Variants in GOLM1 observed in about 807,000 individuals in gnomAD.
The protein encoded by GOLM1 is epididymis luminal protein 46.
GOLM1 carries 31 observed loss-of-function variants against 50.5 expected under a neutral mutation model. The observed-to-expected ratio is 0.61, with a 90% confidence interval of 0.46 to 0.83. The LOEUF (loss-of-function observed/expected upper bound fraction) is 0.83, where lower values mean the gene tolerates loss of function less well. Among genes scored for constraint, GOLM1 ranks in the 40% least tolerant of loss-of-function variants. The probability of loss-of-function intolerance (pLI) is 0.00; values close to 1 mark genes in which losing one functional copy is unlikely to be tolerated. For missense variants in GOLM1, 491 were observed against 501.3 expected, an observed-to-expected ratio of 0.98 and a Z score of 0.20; for synonymous variants, 178 against 192.8, an observed-to-expected ratio of 0.92 and a Z score of 0.64.
At chr9:86,096,819 G>A (rs971174133) in intron 1 of GOLM1, among the ~76,000 whole-genome samples, 1 of 152,056 alleles carries the variant, frequency 6.6e-6, no homozygotes, top group Non-Finnish European at 1.5e-5. Context: ...TTATAAATAA[G>A]CAACAAATGC....
Position 86,033,285 on chromosome 9 carries a change from C to T in GOLM1, c.1126G>A (p.Asp376Asn). The part of the protein sequence containing the change: ...AALAGNDRNI[D>N]VFNVEDQKRD... ...CCGATGTAGGCCCCATTCTTACCAT[C>T]TATGTTTCTGTCATTCCCTGCCAGG... Residue 376 changes from aspartate (D) to asparagine (N), a missense_variant, in exon 9 of 10, where the codon GAT becomes AAT. Transcript: ENST00000388712. The T allele has an allele frequency of 1.3e-6, 2 of 1,566,120 alleles. No individual in the cohort carries two copies. Among genetic ancestry groups the T allele is most frequent in the Non-Finnish European group, 1.8e-6 (2 of 1,135,948 alleles).
chr9:86,053,559 A>ACCAAAC, intron 3 of GOLM1, among the ~76,000 whole-genome samples: 1 of 304 alleles, frequency 3.3e-3, no homozygotes, highest in African/African-American at 7.7e-3. Context: ...CACACACTAC[A>ACCAAAC]CACACACACA....
intron 1 of GOLM1, 91 bp from the exon 2 acceptor site, chr9:86,079,432 G>A: frequency 9.2e-7 from 1 of 1,082,464 alleles, no homozygotes; most frequent in South Asian, 1.8e-5. Context: ...GAGGAAAGGA[G>A]TCTTGCCAAG....
intron 1 of GOLM1, among the ~76,000 whole-genome samples, chr9:86,092,876 G>C (rs766108071): frequency 6.6e-6 from 1 of 152,200 alleles, no homozygotes; most frequent in African/African-American, 2.4e-5. Context: ...TTTGGATTGC[G>C]GATGAGATGG....
intron 3 of GOLM1, among the ~76,000 whole-genome samples, chr9:86,063,118 C>T (rs1406398004): frequency 6.6e-6 from 1 of 152,258 alleles, no homozygotes; most frequent in African/African-American, 2.4e-5. Context: ...GAGCACCCCA[C>T]ACACTGCCAA....
At chr9:86,079,105 T>A in intron 2 of GOLM1, 87 bp downstream of exon 2, 2 of 1,248,166 alleles carry the variant, frequency 1.6e-6, no homozygotes, top group African/African-American at 1.5e-5. Flanking sequence ...TGGCTGGCAA[T>A]AAACAACAAA....
intron 9 of GOLM1, 63 bp from the exon 10 acceptor site, chr9:86,027,956 T>A: frequency 2.1e-6 from 2 of 943,230 alleles, no homozygotes; most frequent in Non-Finnish European, 3.3e-6. Flanking sequence ...CCTAGGCAGG[T>A]CCCATTTTCT....
chr9:86,089,488 C>A (rs983877828), intron 1 of GOLM1, among the ~76,000 whole-genome samples: 1 of 152,058 alleles, frequency 6.6e-6, no homozygotes, highest in South Asian at 2.1e-4. Context: ...CTTGTCTTCA[C>A]GCTTTATTTC....
chr9:86,053,633 A>C (rs1197404988), intron 3 of GOLM1, among the ~76,000 whole-genome samples: 12 of 1,734 alleles, frequency 6.9e-3, no homozygotes, highest in African/African-American at 0.012. Context: ...ACATCACTAC[A>C]AAACACACAC....
chr9:86,039,019 A>G (rs528272370), intron 6 of GOLM1, among the ~76,000 whole-genome samples: 1 of 152,256 alleles, frequency 6.6e-6, no homozygotes, highest in South Asian at 2.1e-4. Flanking sequence ...ACCCCACAGA[A>G]TTGGGAAAAA....
chr9:86,068,281 G>C (rs1834362641), intron 3 of GOLM1, among the ~76,000 whole-genome samples: 1 of 152,190 alleles, frequency 6.6e-6, no homozygotes. Flanking sequence ...CAGCCCTGCT[G>C]GCACCTGAAT....
At chr9:86,046,034 C>G (rs894053257) in intron 5 of GOLM1, among the ~76,000 whole-genome samples, 3 of 152,190 alleles carry the variant, frequency 2.0e-5, no homozygotes, top group Non-Finnish European at 4.4e-5. Flanking sequence ...GTATTCCATT[C>G]TCACTGTAAA....
At chr9:86,078,392 C>T (rs570172845) in intron 2 of GOLM1, among the ~76,000 whole-genome samples, 3 of 152,188 alleles carry the variant, frequency 2.0e-5, no homozygotes, top group East Asian at 1.9e-4. Context: ...GAGCACAGTG[C>T]GGGGAGTCAG....
At chr9:86,067,975 C>T (rs1166986077) in intron 3 of GOLM1, among the ~76,000 whole-genome samples, 2 of 151,928 alleles carry the variant, frequency 1.3e-5, no homozygotes, top group African/African-American at 4.8e-5. Flanking sequence ...CACTGGACTC[C>T]AGCCTGGGGC....
intron 1 of GOLM1, among the ~76,000 whole-genome samples, chr9:86,097,997 A>G (rs908719897): frequency 6.6e-6 from 1 of 152,142 alleles, no homozygotes; most frequent in Non-Finnish European, 1.5e-5. Flanking sequence ...TTAATATCCA[A>G]GTCACCACAA....
chr9:86,057,834 C>G (rs767558035), intron 3 of GOLM1, among the ~76,000 whole-genome samples: 1 of 152,180 alleles, frequency 6.6e-6, no homozygotes, highest in Non-Finnish European at 1.5e-5. Flanking sequence ...GGGTGTCCAC[C>G]GAGCCTGGCT....
intron 3 of GOLM1, among the ~76,000 whole-genome samples, chr9:86,068,529 C>T (rs1834368373): frequency 6.6e-6 from 1 of 152,170 alleles, no homozygotes; most frequent in African/African-American, 2.4e-5. Context: ...CTGGCCCCTG[C>T]CCCTGCCCAG....
chr9:86,069,688 C>T lies in GOLM1; in HGVS notation c.309+7724G>A, dbSNP rs532538369. Among the ~76,000 whole-genome samples, 18 of 152,300 alleles carry T rather than the reference C, an allele frequency of 1.2e-4. No individual in the cohort carries two copies. The South Asian group carries it at 3.7e-3, about 32-fold the overall frequency. ...AAATGGAACACACATGGCCACCTAG[C>T]CTTCCACATGGGCAGAGGGTTAGCT... On this transcript the variant is annotated intron_variant, in intron 3 of 9. Transcript: ENST00000388712.
In GOLM1 at chr9:86,026,889, G is replaced by GTA. The variant is rs1370673880; in HGVS notation, c.*926_*927dup. ...CTAAACAGTCCTAATTTCTAACACTGTATATATCCTTCGACATCAATGAAC... is the reference window on the plus strand; with the variant it reads ...CTAAACAGTCCTAATTTCTAACACTGTATATATATCCTTCGACATCAATGAAC... On this transcript the variant is annotated 3_prime_UTR_variant, in exon 10 of 10. Transcript: ENST00000388712. The GTA allele has an allele frequency of 1.2e-5, 12 of 983,814 alleles. No individual in the cohort carries two copies. In the African/African-American group the frequency reaches 2.1e-4, roughly 17 times the overall value. The allele number at this position is 983,814 out of a possible 1,614,324, so 60.9% of individuals were successfully genotyped here.
Sources: gnomAD v4.1 joint callset for allele counts (sites outside exome capture counted in the v4.1 genomes callset) on GRCh38, gnomAD v4.1.1 for gene constraint, MANE v1.5 for transcripts, NCBI Gene and HGNC (gene_info 2026-07-23, HGNC 2026-07-21) for gene names.